Variants in GRID2 observed in about 807,000 individuals in gnomAD.
The protein encoded by GRID2 is glutamate ionotropic receptor delta type subunit 2, also known as glutamate receptor ionotropic, delta-2.
GRID2 carries 33 observed loss-of-function variants against 114.8 expected under a neutral mutation model. The observed-to-expected ratio is 0.29, with a 90% CI of 0.22 to 0.38. The LOEUF is 0.38. Among genes scored for constraint, GRID2 ranks in the 10% least tolerant of loss-of-function variants. The pLI, the probability that GRID2 is intolerant of heterozygous loss-of-function variation, is 1.00. For missense variants in GRID2, 1,184 were observed against 1,257.7 expected, an observed-to-expected ratio of 0.94 and a Z score of 0.89; for synonymous variants, 505 against 449.9, an observed-to-expected ratio of 1.12 and a Z score of -1.55.
intron 1 of GRID2, among the ~76,000 whole-genome samples, chr4:92,509,114 T>C (rs989869920): frequency 1.3e-5 from 2 of 151,652 alleles, no homozygotes; most frequent in Non-Finnish European, 2.9e-5. Flanking sequence ...AAAGAACTGA[T>C]AGATTGGATT....
chr4:92,788,242 G>T (rs1739412970), intron 2 of GRID2, among the ~76,000 whole-genome samples: 1 of 151,710 alleles, frequency 6.6e-6, no homozygotes, highest in Non-Finnish European at 1.5e-5. Context: ...ATGAGTTACT[G>T]GGAAAACTAA....
intron 1 of GRID2, among the ~76,000 whole-genome samples, chr4:93,794,094 A>G (rs968466684): frequency 6.6e-6 from 1 of 152,132 alleles, no homozygotes; most frequent in Admixed American, 6.6e-5. Flanking sequence ...GAGATGTTAG[A>G]GTATAATTTG....
intron 13 of GRID2, among the ~76,000 whole-genome samples, chr4:93,541,340 A>G (rs1732635915): frequency 6.6e-6 from 1 of 152,124 alleles, no homozygotes; most frequent in Non-Finnish European, 1.5e-5. Flanking sequence ...AAAACACCCT[A>G]CAAGACAGCT....
At chr4:93,766,210 T>C (rs1733657837) in intron 14 of GRID2, among the ~76,000 whole-genome samples, 1 of 152,204 alleles carries the variant, frequency 6.6e-6, no homozygotes, top group Admixed American at 6.5e-5. Flanking sequence ...ATTAGTTCGT[T>C]CTCTCACTGC....
At chr4:92,836,705 C>T (rs1012555862) in intron 2 of GRID2, among the ~76,000 whole-genome samples, 4 of 151,988 alleles carry the variant, frequency 2.6e-5, no homozygotes, top group Admixed American at 2.0e-4. Flanking sequence ...CGGCCCTAGC[C>T]TAGTAAACAG....
At chr4:92,982,108 C>A (rs1335792925) in intron 2 of GRID2, among the ~76,000 whole-genome samples, 1 of 149,386 alleles carries the variant, frequency 6.7e-6, no homozygotes, top group African/African-American at 2.5e-5. Flanking sequence ...GTAGGAGTCT[C>A]ATTTTTACTC....
intron 4 of GRID2, among the ~76,000 whole-genome samples, chr4:93,144,570 AT>A (rs34037643): frequency 6.6e-6 from 1 of 152,150 alleles, no homozygotes; most frequent in African/African-American, 2.4e-5. Context: ...AGGGGTGAGA[AT>A]TTTCATGTGT....
intron 2 of GRID2, among the ~76,000 whole-genome samples, chr4:92,658,656 A>G (rs1196663573): frequency 6.6e-6 from 1 of 151,664 alleles, no homozygotes; most frequent in Non-Finnish European, 1.5e-5. Flanking sequence ...GAAAGGAAGC[A>G]AAAGGAACTG....
chr4:93,484,288 C>T (rs182134396), intron 11 of GRID2, among the ~76,000 whole-genome samples: 1 of 151,990 alleles, frequency 6.6e-6, no homozygotes, highest in Admixed American at 6.6e-5. Flanking sequence ...CCAAAGGTAA[C>T]CATCCATGGG....
At chr4:92,611,223 A>G (rs1729731643) in intron 2 of GRID2, among the ~76,000 whole-genome samples, 1 of 151,406 alleles carries the variant, frequency 6.6e-6, no homozygotes, top group South Asian at 2.1e-4. Context: ...CTTAAACAAC[A>G]GAAATTTATT....
chr4:93,463,862 A>G (rs796567881), intron 11 of GRID2, among the ~76,000 whole-genome samples: 80 of 152,000 alleles, frequency 5.3e-4, no homozygotes, highest in East Asian at 9.7e-4. Flanking sequence ...GGTGGCGGGC[A>G]CCTGTAGTCC....
Position 93,219,378 on chromosome 4 carries a change from C to A in GRID2, c.963+2467C>A, listed in dbSNP as rs189294341. Among the ~76,000 whole-genome samples the A allele has an allele frequency of 4.1e-3, 627 of 152,166 alleles. 3 individuals are homozygous for A. Among genetic ancestry groups the A allele is most frequent in the Admixed American group, 7.1e-3 (109 of 15,274 alleles). The stretch of plus-strand genomic sequence containing the variant: ...CAAATATTTTATTTATGTCTATATT[C>A]CTAATCTTACCTGAAACAATAAAGT... On this transcript the variant is annotated intron_variant, in intron 6 of 15. Coordinates refer to ENST00000282020, the MANE Select transcript of GRID2 (RefSeq NM_001510.4).
chr4:93,227,267 G>A (rs768838264), intron 7 of GRID2, among the ~76,000 whole-genome samples: 3 of 151,696 alleles, frequency 2.0e-5, no homozygotes, highest in Admixed American at 1.3e-4. Context: ...TGACAGTCTC[G>A]CACAGGCTGG....
At chr4:92,405,650 A>G (rs889167998) in intron 1 of GRID2, among the ~76,000 whole-genome samples, 1 of 151,984 alleles carries the variant, frequency 6.6e-6, no homozygotes. Context: ...AAGGGAAAAA[A>G]GTTGATTAGG....
At chr4:92,478,642 G>A (rs762537646) in intron 1 of GRID2, among the ~76,000 whole-genome samples, 2 of 152,082 alleles carry the variant, frequency 1.3e-5, no homozygotes, top group African/African-American at 4.8e-5. Context: ...GTATGAAATA[G>A]TTTTGATCAC....
At chr4:92,868,167 A>G in intron 2 of GRID2, among the ~76,000 whole-genome samples, 1 of 151,520 alleles carries the variant, frequency 6.6e-6, no homozygotes, top group East Asian at 1.9e-4. Flanking sequence ...TATTGCTATT[A>G]CTCCATAAAC....
chr4:92,924,688 G>C (rs541354144), intron 2 of GRID2, among the ~76,000 whole-genome samples: 1 of 152,088 alleles, frequency 6.6e-6, no homozygotes, highest in Non-Finnish European at 1.5e-5. Context: ...AACACAGCAT[G>C]ACAACATATG....
At chr4:92,886,446 C>T (rs1160421356) in intron 2 of GRID2, among the ~76,000 whole-genome samples, 1 of 151,986 alleles carries the variant, frequency 6.6e-6, no homozygotes, top group Non-Finnish European at 1.5e-5. Flanking sequence ...TAGTAAAAAA[C>T]ACAATAGCCT....
chr4:92,980,003 G>C (rs1384458560), intron 2 of GRID2, among the ~76,000 whole-genome samples: 1 of 152,048 alleles, frequency 6.6e-6, no homozygotes, highest in Non-Finnish European at 1.5e-5. Context: ...TCTAGCAGGA[G>C]TCTTTTTATT....
Sources: gnomAD v4.1 joint callset for allele counts (sites outside exome capture counted in the v4.1 genomes callset) on GRCh38, gnomAD v4.1.1 for gene constraint, MANE v1.5 for transcripts, NCBI Gene and HGNC (gene_info 2026-07-23, HGNC 2026-07-21) for gene names.